The following PCBD2 variants were observed in gnomAD, a reference collection of about 807,000 sequenced individuals.
PCBD2 encodes the protein pterin-4-alpha-carbinolamine dehydratase 2.
A neutral mutation model predicts 16.4 loss-of-function variants in PCBD2; 12 were observed. That is an observed-to-expected ratio of 0.73 (90% CI 0.47 to 1.19). The LOEUF is 1.19. Ranked by LOEUF, PCBD2 falls within the 50% of genes most tolerant of loss-of-function variation. The pLI is 0.00. For missense variants in PCBD2, 138 were observed against 156.8 expected (o/e 0.88, Z 0.64); for synonymous variants, 58 against 61.8 (o/e 0.94, Z 0.29).
chr5:134,942,196 G>GA (rs112153571), intron 2 of PCBD2, among the ~76,000 whole-genome samples: 7,319 of 140,974 alleles, frequency 0.052, 390 homozygotes, highest in African/African-American at 0.15. Flanking sequence ...TTAAGTAAAA[G>GA]AAAAAAAAAA....
chr5:134,958,332 G>A (rs1206496308), intron 2 of PCBD2, among the ~76,000 whole-genome samples: 1 of 152,196 alleles, frequency 6.6e-6, no homozygotes, highest in Non-Finnish European at 1.5e-5. Flanking sequence ...TAAAGACAGA[G>A]CCCCGTCAGT....
chr5:134,908,249 G>A (rs1380115646), intron 1 of PCBD2, among the ~76,000 whole-genome samples: 57 of 71,310 alleles, frequency 8.0e-4, no homozygotes, highest in Admixed American at 2.7e-3. Context: ...TTTTTTTTTT[G>A]AGACAGAGTT....
chr5:134,918,581 GGTAAA>G (rs1750862486), intron 2 of PCBD2, among the ~76,000 whole-genome samples: 1 of 152,174 alleles, frequency 6.6e-6, no homozygotes. Context: ...TCTGGCACCA[GGTAAA>G]GTGAAAACTC....
chr5:134,950,393 A>G (rs2149539573), intron 2 of PCBD2, among the ~76,000 whole-genome samples: 1 of 152,348 alleles, frequency 6.6e-6, no homozygotes, highest in East Asian at 1.9e-4. Flanking sequence ...TTTGTATTGT[A>G]AGTATGTGCT....
intron 2 of PCBD2, among the ~76,000 whole-genome samples, chr5:134,928,897 G>A (rs570861496): frequency 1.3e-5 from 2 of 152,294 alleles, no homozygotes; most frequent in South Asian, 2.1e-4. Context: ...TGTGGGAGAG[G>A]AATGGGTTTG....
rs56030382 is a variant in PCBD2, at chr5:134,939,929, AT to A, written c.217-19096del. On this transcript the variant is annotated intron_variant, in intron 2 of 3. Coordinates refer to ENST00000254908, the MANE Select transcript of PCBD2 (RefSeq NM_032151.5). Reference sequence around the variant, plus strand: ...GGAGACCCCCACTCTGTAATAAGAAATTTTTTTTTTTTTTTAAATCACCAGG... The same window carrying A: ...GGAGACCCCCACTCTGTAATAAGAAATTTTTTTTTTTTTTAAATCACCAGG... Among the ~76,000 whole-genome samples, 764 of 145,280 alleles carry A rather than the reference AT, an allele frequency of 5.3e-3. 4 individuals are homozygous for A. Among genetic ancestry groups the A allele is most frequent in the Non-Finnish European group, 6.3e-3 (410 of 65,582 alleles).
chr5:134,960,725 C>T lies in PCBD2; in HGVS notation c.*44C>T. The T allele has an allele frequency of 9.1e-6, 13 of 1,428,122 alleles. No individual in the cohort carries two copies. Among genetic ancestry groups the T allele is most frequent in the African/African-American group, 1.4e-5 (1 of 70,614 alleles). 88.5% of individuals were successfully genotyped at this position (1,428,122 alleles called of 1,614,324 possible). On this transcript the variant is annotated 3_prime_UTR_variant, in exon 4 of 4. Transcript: ENST00000254908. ...TAAAATCTTGTACACATCTTAGCTG[C>T]AATGTATGTTGAAGGAAATTTATGT...
chr5:134,926,413 A>G, intron 2 of PCBD2: 1 of 389,840 alleles, frequency 2.6e-6, no homozygotes, highest in South Asian at 1.4e-4. Flanking sequence ...GATAGGGGGA[A>G]TTAAGGAAGT....
In PCBD2 at chr5:134,927,862, C is replaced by G. The variant is rs1233837033; in HGVS notation, c.216+17396C>G. 10 of 391,760 alleles carry G rather than the reference C, an allele frequency of 2.6e-5. No homozygotes were observed. The Admixed American group carries it at 4.1e-4, about 16-fold the overall frequency. The allele number at this position is 391,760 out of a possible 1,614,324, so 24.3% of individuals were successfully genotyped here. On this transcript the variant is annotated intron_variant, in intron 2 of 3. Coordinates refer to ENST00000254908, the MANE Select transcript of PCBD2 (RefSeq NM_032151.5). ...ATTAGGAGGGGGGTCGTTAGGGGGT[C>G]GGAGGAGAAGGATAAGGAGCAGCTA...
chr5:134,932,069 T>C (rs1347024939), intron 2 of PCBD2, among the ~76,000 whole-genome samples: 1 of 152,238 alleles, frequency 6.6e-6, no homozygotes, highest in Non-Finnish European at 1.5e-5. Flanking sequence ...GAAGTGGAAC[T>C]CTGCATACAG....
At chr5:134,913,095 A>G (rs1031287774) in intron 2 of PCBD2, among the ~76,000 whole-genome samples, 1 of 152,234 alleles carries the variant, frequency 6.6e-6, no homozygotes, top group African/African-American at 2.4e-5. Context: ...CATTTAAAAA[A>G]ATTTTTTAAA....
chr5:134,906,940 C>T (rs1750698779), intron 1 of PCBD2, among the ~76,000 whole-genome samples: 1 of 152,228 alleles, frequency 6.6e-6, no homozygotes, highest in Non-Finnish European at 1.5e-5. Flanking sequence ...AATGTGCCCT[C>T]ATGGGGGCCT....
At chr5:134,908,681 A>G (rs1351666129) in intron 1 of PCBD2, 1 of 151,960 alleles carries the variant, frequency 6.6e-6, no homozygotes, top group Non-Finnish European at 1.5e-5. Flanking sequence ...AAAAAAAAAA[A>G]AGGTACTCTC....
Position 134,906,194 on chromosome 5 carries a change from A to ATTTTTTT in PCBD2, c.84+992_84+998dup, listed in dbSNP as rs1158334317. Among the ~76,000 whole-genome samples the ATTTTTTT allele has an allele frequency of 5.7e-4, 38 of 66,520 alleles. 4 individuals carry two copies. Among genetic ancestry groups the ATTTTTTT allele is most frequent in the African/African-American group, 2.5e-3 (37 of 14,662 alleles). The allele number at this position is 66,520 out of a possible 152,430, so 43.6% of individuals were successfully genotyped here. ...TGGCCTGAAATTCTTTAATAGAAGA[A>ATTTTTTT]TTTTTTTTTTTTTTTTTTTTTTTTT... On this transcript the variant is annotated intron_variant, in intron 1 of 3. Transcript: ENST00000254908.
intron 2 of PCBD2, among the ~76,000 whole-genome samples, chr5:134,939,682 G>A (rs1266579683): frequency 6.6e-6 from 1 of 152,140 alleles, no homozygotes; most frequent in Non-Finnish European, 1.5e-5. Context: ...ACTCTTTCTG[G>A]AAAGGCTGAT....
intron 2 of PCBD2, among the ~76,000 whole-genome samples, chr5:134,930,930 T>G (rs13159847): frequency 6.6e-6 from 1 of 152,180 alleles, no homozygotes; most frequent in Non-Finnish European, 1.5e-5. Flanking sequence ...TTTCTTTTTG[T>G]TTTTTGAGAC....
At chr5:134,926,147 G>A (rs1331934568) in intron 2 of PCBD2, 3 of 323,540 alleles carry the variant, frequency 9.3e-6, no homozygotes, top group Non-Finnish European at 1.7e-5. Context: ...ATATATCATA[G>A]TGAGAATTCT....
intron 2 of PCBD2, among the ~76,000 whole-genome samples, chr5:134,936,625 G>T (rs543831391): frequency 3.3e-4 from 50 of 152,184 alleles, no homozygotes; most frequent in African/African-American, 1.1e-3. Flanking sequence ...TTCTCTTCAG[G>T]TCATCCATTG....
chr5:134,921,756 T>G (rs1443400699), intron 2 of PCBD2, among the ~76,000 whole-genome samples: 1 of 152,190 alleles, frequency 6.6e-6, no homozygotes, highest in Non-Finnish European at 1.5e-5. Context: ...CGTCCTGTAG[T>G]GCCTTTCACA....
Sources: allele counts gnomAD v4.1 joint callset (sites outside exome capture counted in the v4.1 genomes callset), GRCh38; gene constraint gnomAD v4.1.1; transcripts MANE v1.5; gene names NCBI Gene and HGNC (gene_info 2026-07-23, HGNC 2026-07-21).